NRF1: variants seen among roughly 807,000 people sequenced by gnomAD.
NRF1 encodes alpha palindromic-binding protein.
Under a neutral mutation model 58.5 loss-of-function variants are expected in NRF1, and 5 were observed. That is an observed-to-expected ratio of 0.09 (90% confidence interval 0.04 to 0.18). NRF1 has a LOEUF of 0.18. NRF1 is among the 10% of genes least tolerant of loss of function. The pLI is 1.00. For missense variants in NRF1, 288 were observed against 657.7 expected (o/e 0.44, Z 6.15); for synonymous variants, 224 against 246.7 (o/e 0.91, Z 0.86).
chr7:129,673,702 G>A (rs4731612), intron 3 of NRF1, among the ~76,000 whole-genome samples: 119,911 of 137,084 alleles, frequency 0.87, 52,542 homozygotes, highest in East Asian at 0.91. Context: ...GGGCGACAGA[G>A]CGAGACTCCG....
chr7:129,733,504 C>T (rs2116271415), intron 10 of NRF1, among the ~76,000 whole-genome samples: 1 of 151,940 alleles, frequency 6.6e-6, no homozygotes, highest in African/African-American at 2.4e-5. Context: ...CCTATCTTAG[C>T]CATTTTTTAT....
intron 5 of NRF1, among the ~76,000 whole-genome samples, chr7:129,690,883 A>G (rs1163809052): frequency 6.6e-6 from 1 of 152,136 alleles, no homozygotes; most frequent in Non-Finnish European, 1.5e-5. Flanking sequence ...AATCACAGTC[A>G]AGGTAGCCAA....
intron 9 of NRF1, among the ~76,000 whole-genome samples, chr7:129,717,624 T>C (rs1407195675): frequency 6.6e-6 from 1 of 152,220 alleles, no homozygotes; most frequent in Non-Finnish European, 1.5e-5. Context: ...TAAAAGGTAG[T>C]TTCCAAAACT....
At chr7:129,705,480 G>A (rs1469933527) in intron 5 of NRF1, among the ~76,000 whole-genome samples, 1 of 152,096 alleles carries the variant, frequency 6.6e-6, no homozygotes, top group East Asian at 1.9e-4. Flanking sequence ...TAGTAAAGAC[G>A]GTGTTTCACC....
chr7:129,712,923 A>C (rs1027253622), intron 8 of NRF1, among the ~76,000 whole-genome samples: 1 of 152,170 alleles, frequency 6.6e-6, no homozygotes, highest in African/African-American at 2.4e-5. Context: ...AAAGACAACG[A>C]GGGGTACAGT....
chr7:129,620,370 G>A (rs1800764703), intron 1 of NRF1, among the ~76,000 whole-genome samples: 1 of 150,720 alleles, frequency 6.6e-6, no homozygotes, highest in Admixed American at 6.7e-5. Context: ...GGCTTTATGG[G>A]GTAGGGGAAT....
At chr7:129,674,665 G>C (rs1202794159) in intron 3 of NRF1, among the ~76,000 whole-genome samples, 2 of 152,084 alleles carry the variant, frequency 1.3e-5, no homozygotes, top group Non-Finnish European at 2.9e-5. Context: ...GAACTCCTGG[G>C]CTCAAGCAAT....
At chr7:129,680,974 T>A (rs918300879) in intron 4 of NRF1, among the ~76,000 whole-genome samples, 1 of 152,218 alleles carries the variant, frequency 6.6e-6, no homozygotes, top group Non-Finnish European at 1.5e-5. Context: ...GCAGGTCCCA[T>A]CCCTGGAACC....
intron 8 of NRF1, among the ~76,000 whole-genome samples, chr7:129,714,585 C>T (rs1803146016): frequency 6.6e-6 from 1 of 152,130 alleles, no homozygotes; most frequent in Non-Finnish European, 1.5e-5. Context: ...AAGCAACCAA[C>T]CTTGGAAAGC....
intron 2 of NRF1, among the ~76,000 whole-genome samples, chr7:129,664,246 A>G (rs902899198): frequency 6.6e-6 from 1 of 152,170 alleles, no homozygotes; most frequent in Admixed American, 6.5e-5. Flanking sequence ...GCTGGGCTAC[A>G]TTTTATATCT....
At chr7:129,638,439 G>A (rs897368617) in intron 1 of NRF1, among the ~76,000 whole-genome samples, 8 of 152,130 alleles carry the variant, frequency 5.3e-5, no homozygotes, top group South Asian at 2.1e-4. Flanking sequence ...AGCAGCTTTT[G>A]GTGGTTTGAC....
intron 5 of NRF1, among the ~76,000 whole-genome samples, chr7:129,708,563 A>G (rs1205992870): frequency 6.6e-6 from 1 of 152,152 alleles, no homozygotes; most frequent in Non-Finnish European, 1.5e-5. Context: ...ACCTTATTGA[A>G]TTCTCATTAT....
At chr7:129,622,920 A>G (rs975497581) in intron 1 of NRF1, among the ~76,000 whole-genome samples, 4 of 152,154 alleles carry the variant, frequency 2.6e-5, no homozygotes, top group African/African-American at 9.7e-5. Context: ...ACATATTCAC[A>G]CTATCAATTT....
At chr7:129,736,592 C>T (rs543345792) in intron 10 of NRF1, among the ~76,000 whole-genome samples, 1 of 151,404 alleles carries the variant, frequency 6.6e-6, no homozygotes, top group African/African-American at 2.4e-5. Flanking sequence ...CTGAGAAATT[C>T]TATACAAAGG....
intron 2 of NRF1, 80 bp downstream of exon 2, chr7:129,657,654 G>A: frequency 1.1e-6 from 1 of 897,440 alleles, no homozygotes; most frequent in Non-Finnish European, 1.7e-6. Context: ...CTGTTGCTCA[G>A]GCTGGGGTGC....
chr7:129,712,399 C>T (rs1194734337), intron 8 of NRF1, among the ~76,000 whole-genome samples: 1 of 152,170 alleles, frequency 6.6e-6, no homozygotes, highest in African/African-American at 2.4e-5. Flanking sequence ...AGAAATAAAG[C>T]TAAGAGTATT....
chr7:129,700,194 T>C (rs986004946), intron 5 of NRF1, among the ~76,000 whole-genome samples: 2 of 152,108 alleles, frequency 1.3e-5, no homozygotes, highest in Admixed American at 1.3e-4. Flanking sequence ...ATTGTGAACA[T>C]ATTTAGTGCC....
intron 1 of NRF1, among the ~76,000 whole-genome samples, chr7:129,639,185 G>A (rs1199704837): frequency 2.6e-5 from 4 of 151,856 alleles, no homozygotes; most frequent in African/African-American, 9.7e-5. Flanking sequence ...TCAGCCTCCC[G>A]AGTAGCTGGG....
At chr7:129,742,414 C>G (rs190124858) in intron 10 of NRF1, among the ~76,000 whole-genome samples, 4 of 152,202 alleles carry the variant, frequency 2.6e-5, no homozygotes, top group African/African-American at 9.6e-5. Flanking sequence ...CAGATTGGCT[C>G]GCTAGAGAGG....
Sources: allele counts gnomAD v4.1 joint callset (sites outside exome capture counted in the v4.1 genomes callset), GRCh38; gene constraint gnomAD v4.1.1; transcripts MANE v1.5; gene names NCBI Gene and HGNC (gene_info 2026-07-23, HGNC 2026-07-21).